Variants in SVEP1 observed in about 807,000 individuals in gnomAD.
The protein encoded by SVEP1 is sushi, von Willebrand factor type A, EGF and pentraxin domain containing 1.
SVEP1 carries 164 observed loss-of-function variants against 367.3 expected under a neutral mutation model. That is an observed-to-expected ratio of 0.45 (90% CI 0.39 to 0.51). The LOEUF (loss-of-function observed/expected upper bound fraction) is 0.51. Ranked by LOEUF, SVEP1 falls within the 20% of genes least tolerant of loss-of-function variation. SVEP1 has a pLI of 0.00. For missense variants in SVEP1, 4,117 were observed against 4,425.3 expected (o/e 0.93, Z 1.98); for synonymous variants, 1,666 against 1,611.6 (o/e 1.03, Z -0.81).
At chr9:110,465,543 G>A (rs1828922509) in intron 18 of SVEP1, among the ~76,000 whole-genome samples, 1 of 152,132 alleles carries the variant, frequency 6.6e-6, no homozygotes, top group Admixed American at 6.5e-5. Flanking sequence ...ACTTTATAAA[G>A]GAGGGAATGA....
In SVEP1 at chr9:110,450,092, C is replaced by G. The variant is rs773699456; in HGVS notation, c.4070G>C (p.Gly1357Ala). ...DECLSQPCKN[G>A]ATCKDGANSF... ...ATTGGCACCGTCTTTACAGGTAGCTCCATTTTTGCATGGCTGACTGAGACA... is the reference window on the plus strand; with the variant it reads ...ATTGGCACCGTCTTTACAGGTAGCTGCATTTTTGCATGGCTGACTGAGACA... Residue 1357 changes from glycine to alanine, a missense_variant, in exon 24 of 48, where the codon GGA becomes GCA. By Grantham distance (60) the Gly-to-Ala change is moderately conservative. Around this residue, in one of 4 missense-constraint regions of SVEP1, gnomAD observed 2,174 missense variants for 2,494.3 expected, o/e 0.87. Coordinates refer to ENST00000374469, the MANE Select transcript of SVEP1 (RefSeq NM_153366.4). 7 of 1,613,914 alleles carry G rather than the reference C, an allele frequency of 4.3e-6. No homozygotes were observed. The highest frequency in any genetic ancestry group is 5.9e-6 in the Non-Finnish European group (7 of 1,179,818).
intron 9 of SVEP1, among the ~76,000 whole-genome samples, chr9:110,485,392 T>C (rs910656275): frequency 8.6e-5 from 13 of 151,702 alleles, no homozygotes; most frequent in African/African-American, 2.7e-4. Flanking sequence ...TGAGAACACA[T>C]GGAAACAGGG....
At chr9:110,489,592 G>A in intron 9 of SVEP1, 58 bp downstream of exon 9, 2 of 1,530,948 alleles carry the variant, frequency 1.3e-6, no homozygotes, top group Non-Finnish European at 1.8e-6. Context: ...TGGGAATTAT[G>A]GGAGCCACAG....
chr9:110,445,998 GCCAGAAACTTCAAAAT>G lies in SVEP1; in HGVS notation c.4286_4301del (p.Asp1429AlafsTer8). ...CATCTAGCATGACATATCCATAGAT[GCCAGAAACTTCAAAAT>G]CCAGGTTAAAGCCTGTAGACTGTTC... On this transcript the variant is annotated frameshift_variant, in exon 26 of 48. Transcript: ENST00000374469. LOFTEE classifies it high-confidence loss of function. 1 of 1,613,668 alleles carries G rather than the reference GCCAGAAACTTCAAAAT, an allele frequency of 6.2e-7. No homozygotes were observed. The highest frequency in any genetic ancestry group is 8.5e-7 in the Non-Finnish European group (1 of 1,179,742).
chr9:110,552,481 T>G lies in SVEP1; in HGVS notation c.532-2377A>C, dbSNP rs546753727. The stretch of plus-strand genomic sequence containing the variant: ...TATTTATTGTGCACTTTATTTCTAT[T>G]ATTTTTACACTATAATATAGAATAA... On this transcript the variant is annotated intron_variant, in intron 1 of 47. Transcript: ENST00000374469. Among the ~76,000 whole-genome samples, 3 of 152,304 alleles carry G rather than the reference T, an allele frequency of 2.0e-5. No individual in the cohort carries two copies. In the East Asian group the frequency reaches 5.8e-4, roughly 29 times the overall value.
chr9:110,436,695 A>C (rs1828435125), intron 27 of SVEP1, among the ~76,000 whole-genome samples, 191 bp from the exon 28 acceptor site: 1 of 152,236 alleles, frequency 6.6e-6, no homozygotes, highest in Non-Finnish European at 1.5e-5. Flanking sequence ...GCAACTTAAA[A>C]ATAGACAGGA....
In SVEP1 at chr9:110,545,840, G is replaced by T. The variant is rs139000909; in HGVS notation, c.964+275C>A. 6.2e-3 allele frequency among the ~76,000 whole-genome samples: 943 copies of T among 152,176 alleles called. 4 individuals carry two copies. The highest frequency in any genetic ancestry group is 0.011 in the Non-Finnish European group (747 of 68,010). On this transcript the variant is annotated intron_variant, in intron 3 of 47. Coordinates refer to ENST00000374469, the MANE Select transcript of SVEP1 (RefSeq NM_153366.4). The stretch of plus-strand genomic sequence containing the variant: ...ATGGAGTATGAGAGGCCACATAAAG[G>T]ACAGCCTTGTTGTCCTAGACAAAGC...
intron 30 of SVEP1, 133 bp from the exon 31 acceptor site, chr9:110,432,768 T>A (rs1401967544): frequency 4.8e-6 from 5 of 1,033,190 alleles, no homozygotes; most frequent in Non-Finnish European, 6.9e-6. Flanking sequence ...GAGGGTGTCC[T>A]AGGGATAGCA....
At chr9:110,468,652 C>T (rs1039862382) in intron 17 of SVEP1, among the ~76,000 whole-genome samples, 1 of 152,246 alleles carries the variant, frequency 6.6e-6, no homozygotes, top group Non-Finnish European at 1.5e-5. Flanking sequence ...ACTTGCTAAG[C>T]TCCACCTAGC....
chr9:110,457,327 G>A lies in SVEP1; in HGVS notation c.3602C>T (p.Pro1201Leu), dbSNP rs1769567928. The A allele has an allele frequency of 6.2e-7, 1 of 1,611,486 alleles. No homozygotes were observed. Among genetic ancestry groups the A allele is most frequent in the Non-Finnish European group, 8.5e-7 (1 of 1,179,302 alleles). ...SQVFHECFFN[P>L]CHNSGTCQQL... ...CTGGCAGGTTCCACTATTGTGGCAA[G>A]GGTTAAAGAAGCATTCATGGAAAAC... Residue 1201 changes from proline to leucine, a missense_variant, in exon 21 of 48, where the codon CCT becomes CTT. Physicochemically the swap from Pro to Leu is moderately conservative, Grantham distance 98. Around this residue, in one of 4 missense-constraint regions of SVEP1, gnomAD observed 2,174 missense variants for 2,494.3 expected, o/e 0.87. Transcript: ENST00000374469.
In SVEP1 at chr9:110,404,490, C is replaced by A. The variant is rs779233113; in HGVS notation, c.9503G>T (p.Arg3168Leu). The A allele has an allele frequency of 6.2e-7, 1 of 1,613,950 alleles. No individual in the cohort carries two copies. The highest frequency in any genetic ancestry group is 8.5e-7 in the Non-Finnish European group (1 of 1,179,880). Residue 3168 changes from arginine (R) to leucine (L), a missense_variant, in exon 39 of 48, where the codon CGC (arginine) becomes CTC (leucine). Physicochemically the swap from Arg to Leu is moderately radical, Grantham distance 102 (BLOSUM62 -2). This residue lies in a region of SVEP1 where 1,765 missense variants were observed against 1,781.1 expected (regional missense o/e 0.99). Transcript: ENST00000374469. ...GCAGGAGATTCTCTCAGGGAACCAG[C>A]GACCATCTTTCTGACAGGTGAATGT... ...TDTFTCQKDG[R>L]WFPERISCSP...
chr9:110,526,586 G>A (rs1486365291), intron 3 of SVEP1, among the ~76,000 whole-genome samples: 2 of 152,140 alleles, frequency 1.3e-5, no homozygotes, highest in East Asian at 1.9e-4. Flanking sequence ...TGATGGAAAT[G>A]TAAAGTAGTT....
At chr9:110,450,633 C>A (rs1417102649) in intron 23 of SVEP1, among the ~76,000 whole-genome samples, 1 of 151,268 alleles carries the variant, frequency 6.6e-6, no homozygotes, top group African/African-American at 2.4e-5. Flanking sequence ...CCACACCTGG[C>A]TAATTTTTGT....
intron 47 of SVEP1, 148 bp from the exon 48 acceptor site, chr9:110,366,708 TC>T: frequency 1.5e-6 from 1 of 668,634 alleles, no homozygotes; most frequent in Non-Finnish European, 2.3e-6. Context: ...TGGGGGTCAT[TC>T]TTTGAGATAA....
intron 5 of SVEP1, among the ~76,000 whole-genome samples, chr9:110,508,675 G>A (rs1156968142): frequency 6.8e-6 from 1 of 147,934 alleles, no homozygotes; most frequent in Non-Finnish European, 1.5e-5. Context: ...GCAGGAGAAT[G>A]GCGTGAACCC....
intron 41 of SVEP1, among the ~76,000 whole-genome samples, chr9:110,388,890 G>C (rs113566333): frequency 0.065 from 9,853 of 152,218 alleles, 539 homozygotes; most frequent in African/African-American, 0.15. Flanking sequence ...AGTCCCTTGA[G>C]CCCGGGAAGT....
intron 37 of SVEP1, among the ~76,000 whole-genome samples, chr9:110,409,338 C>T (rs895642955): frequency 2.0e-5 from 3 of 152,126 alleles, no homozygotes; most frequent in African/African-American, 4.8e-5. Context: ...AGGAGAATCA[C>T]TTGAACCCAG....
chr9:110,469,034 G>A lies in SVEP1; in HGVS notation c.3066C>T (p.Ser1022=). ...CAAGTTGCCCTTCTTCATCTTGATA[G>A]GATCCGATCCGGCAGCTTTCACAGG... ...HFTCESCRIG[S]YQDEEGQLEC... Residue 1022 remains serine (S), a synonymous_variant, in exon 17 of 48, where the codon TCC becomes TCT. Transcript: ENST00000374469. The A allele has an allele frequency of 1.2e-6, 2 of 1,613,864 alleles. No homozygotes were observed. Among genetic ancestry groups the A allele is most frequent in the Non-Finnish European group, 1.7e-6 (2 of 1,179,820 alleles).
chr9:110,516,246 C>T (rs1829802593), intron 3 of SVEP1, among the ~76,000 whole-genome samples: 2 of 150,132 alleles, frequency 1.3e-5, no homozygotes, highest in Admixed American at 6.6e-5. Context: ...AAAACTAAAA[C>T]ATTACAATAT....
Sources: allele counts gnomAD v4.1 joint callset (sites outside exome capture counted in the v4.1 genomes callset), GRCh38; gene constraint gnomAD v4.1.1; regional missense constraint gnomAD v4.1.1; transcripts MANE v1.5; gene names NCBI Gene and HGNC (gene_info 2026-07-23, HGNC 2026-07-21).